The following NPHS1 variants were observed in gnomAD, a reference collection of about 807,000 sequenced individuals.
NPHS1 encodes NPHS1 adhesion molecule, nephrin.
Under a neutral mutation model 139.7 loss-of-function variants are expected in NPHS1, and 107 were observed. The ratio of observed to expected loss-of-function variants is 0.77; its 90% CI spans 0.66 to 0.90. NPHS1 has a LOEUF of 0.90. Among genes scored for constraint, NPHS1 ranks in the 40% least tolerant of loss-of-function variants. The probability of loss-of-function intolerance (pLI) is 0.00; values close to 1 mark genes in which losing one functional copy is unlikely to be tolerated. For synonymous variants in NPHS1, 707 were observed against 706.6 expected (o/e 1.00, Z -0.01); for missense variants, 1,580 against 1,654.2 (o/e 0.96, Z 0.78).
At position 35,844,146 on chromosome 19, in the gene NPHS1, G is replaced by A. The variant is rs768173284; in HGVS notation, c.2169C>T (p.Asn723=). Residue 723 remains asparagine, a synonymous_variant, in exon 16 of 29, where the codon AAC becomes AAT. Transcript: ENST00000378910. ...GCCGCGCTTCCGCGGTGCCCTCAGA[G>A]TTCTGGCAGTGCAGCTGATAGAGGC... is the stretch of plus-strand genomic sequence containing the variant. The part of the protein sequence containing the change: ...DDGLYQLHCQ[N]SEGTAEARLR... The A allele has an allele frequency of 6.2e-7, 1 of 1,609,926 alleles. No individual in the cohort carries two copies. Among genetic ancestry groups the A allele is most frequent in the South Asian group, 1.1e-5 (1 of 91,038 alleles).
Position 35,848,126 on chromosome 19 carries a change from C to T in NPHS1, c.1355G>A (p.Gly452Asp), listed in dbSNP as rs1475798311. The change falls in exon 11 of 29, where the codon GGC becomes GAC. Residue 452 changes from glycine to aspartate, a missense_variant. By Grantham distance (94) the Gly-to-Asp change is moderately conservative. Coordinates refer to ENST00000378910, the MANE Select transcript of NPHS1 (RefSeq NM_004646.4). ...CCGGGTCCCAGCCCGGAGCTTCTGG[C>T]CCTCTGGGGGACCCTCAATCCACAG... is the stretch of plus-strand genomic sequence containing the variant. ...QKLWIEGPPEGQKLRAGTRVR... is the reference protein window; with the variant it reads ...QKLWIEGPPEDQKLRAGTRVR... 1.2e-6 allele frequency: 2 copies of T among 1,614,018 alleles called. No homozygotes were observed. The highest frequency in any genetic ancestry group is 4.5e-5 in the East Asian group (2 of 44,878).
At chr19:35,828,845 T>G (rs1477536116) in intron 28 of NPHS1, among the ~76,000 whole-genome samples, 1 of 152,122 alleles carries the variant, frequency 6.6e-6, no homozygotes, top group African/African-American at 2.4e-5. Flanking sequence ...CTTTAGAGAG[T>G]GCATATGGTC....
At chr19:35,836,130 T>C (rs1972957064) in intron 22 of NPHS1, among the ~76,000 whole-genome samples, 1 of 143,956 alleles carries the variant, frequency 6.9e-6, no homozygotes, top group Non-Finnish European at 1.5e-5. Flanking sequence ...TGGCTAATTT[T>C]TTGTATTTTT....
rs113978942 is a variant in NPHS1, at chr19:35,826,057, T to A, written c.*457A>T. ...GCCTCCTGGGTTCAAGCAATTCTCA[T>A]GCATCAGCCTCCCAAGTAGCTGGGA... On this transcript the variant is annotated 3_prime_UTR_variant, in exon 29 of 29. Transcript: ENST00000378910. 3 of 177,794 alleles carry A rather than the reference T, an allele frequency of 1.7e-5. 1 individual carries two copies. The South Asian group carries it at 3.8e-4, about 22-fold the overall frequency. The allele number at this position is 177,794 out of a possible 1,614,324, so 11.0% of individuals were successfully genotyped here. A position where few individuals can be genotyped will look rare whatever the true frequency, so the allele number is the denominator to read the frequency against.
intron 16 of NPHS1, chr19:35,843,812 G>A (rs765421732): frequency 3.8e-4 from 253 of 660,776 alleles, no homozygotes; most frequent in Non-Finnish European, 5.8e-4. Context: ...GAGTTGAGTG[G>A]GCTTCCAGAA....
chr19:35,843,331 T>C lies in NPHS1; in HGVS notation c.2334+141A>G, dbSNP rs942438335. On this transcript the variant is annotated intron_variant, in intron 17 of 28. Transcript: ENST00000378910. ...GCATTCATTTTGCCACCAACAGTTATTCATTCTGGGAGCATGCCCTGGCGA... is the reference window on the plus strand; with the variant it reads ...GCATTCATTTTGCCACCAACAGTTACTCATTCTGGGAGCATGCCCTGGCGA... The C allele has an allele frequency of 4.6e-6, 5 of 1,095,096 alleles. No individual in the cohort carries two copies. In the African/African-American group the frequency reaches 7.8e-5, roughly 17 times the overall value. The allele number at this position is 1,095,096 out of a possible 1,614,324, so 67.8% of individuals were successfully genotyped here.
rs368346119 is a variant in NPHS1, at chr19:35,839,249, T to C, written c.3097A>G (p.Ile1033Val). ...GLADKGTQLP[I>V]TTPGLHQPSG... Reference sequence around the variant, plus strand: ...CCTCCCTTCCCACCTGGGGTAGTGATGGGAAGCTGGGTCCCTTTGTCAGCC... The same window carrying C: ...CCTCCCTTCCCACCTGGGGTAGTGACGGGAAGCTGGGTCCCTTTGTCAGCC... Residue 1033 changes from isoleucine (I) to valine (V), a missense_variant, in exon 22 of 29, where the codon ATC becomes GTC. Physicochemically the swap from Ile to Val is conservative, Grantham distance 29. Transcript: ENST00000378910. 2 of 1,614,046 alleles carry C rather than the reference T, an allele frequency of 1.2e-6. No homozygotes were observed. The highest frequency in any genetic ancestry group is 1.7e-6 in the Non-Finnish European group (2 of 1,180,026).
chr19:35,833,083 G>A (rs976597262), intron 23 of NPHS1, among the ~76,000 whole-genome samples: 7 of 150,098 alleles, frequency 4.7e-5, no homozygotes, highest in Admixed American at 1.3e-4. Context: ...TAATAGAGAC[G>A]GAGTTTCGCC....
At chr19:35,844,610 G>T in intron 14 of NPHS1, 151 bp from the exon 15 acceptor site, 1 of 784,648 alleles carries the variant, frequency 1.3e-6, no homozygotes, top group Non-Finnish European at 2.0e-6. Context: ...GCTAAGCTCA[G>T]GGGTAAGGTT....
chr19:35,850,860 T>A, intron 4 of NPHS1, 101 bp downstream of exon 4: 1 of 1,462,672 alleles, frequency 6.8e-7, no homozygotes, highest in Non-Finnish European at 9.4e-7. Flanking sequence ...AGGGATGACA[T>A]CTTTTCTGGG....
In NPHS1 at chr19:35,839,403, C is replaced by A. The variant is rs1219739033; in HGVS notation, c.2943G>T (p.Gly981=). The change falls in exon 22 of 29, where the codon GGG becomes GGT. Residue 981 remains glycine (G), a synonymous_variant. Transcript: ENST00000378910. The part of the protein sequence containing the change: ...QRFCIRYEAL[G]TPGFHYVDVV... ...CATCCACATAGTGGAACCCTGGAGT[C>A]CCCAGGGCCTCATACCTGCAGGACA... is the stretch of plus-strand genomic sequence containing the variant. The A allele has an allele frequency of 1.9e-6, 3 of 1,614,006 alleles. No individual in the cohort carries two copies. The highest frequency in any genetic ancestry group is 1.7e-5 in the Admixed American group (1 of 60,000).
At position 35,844,340 on chromosome 19, in the gene NPHS1, G is replaced by A. The variant is rs778473691; in HGVS notation, c.2050C>T (p.Arg684Cys). 19 of 1,613,808 alleles carry A rather than the reference G, an allele frequency of 1.2e-5. No individual in the cohort carries two copies. In the Admixed American group the frequency reaches 2.3e-4, roughly 20 times the overall value. ...PAPEAFNWTF[R>C]GYRLSPAGGP... ...TCACCTGGACTGAGGCGATAGCCGC[G>A]GAAGGTCCAGTTGAAGGCCTCGGGG... The change falls in exon 15 of 29, where the codon CGC (arginine) becomes TGC (cysteine). Residue 684 changes from arginine to cysteine, a missense_variant. Physicochemically the swap from Arg to Cys is radical, Grantham distance 180 (BLOSUM62 -3). Coordinates refer to ENST00000378910, the MANE Select transcript of NPHS1 (RefSeq NM_004646.4).
chr19:35,843,709 C>A (rs766127557), intron 16 of NPHS1, 116 bp from the exon 17 acceptor site: 13 of 1,341,446 alleles, frequency 9.7e-6, no homozygotes, highest in Middle Eastern at 2.6e-4. Context: ...GGTGTGGACA[C>A]AATCTGCCCT....
In NPHS1 at chr19:35,826,449, G is replaced by C. The variant is rs961101302; in HGVS notation, c.*65C>G. 1 of 1,601,408 alleles carries C rather than the reference G, an allele frequency of 6.2e-7. No individual in the cohort carries two copies. The highest frequency in any genetic ancestry group is 8.5e-7 in the Non-Finnish European group (1 of 1,170,236). ...TCACCTAACCAGCTCGGCCCAGGCTGTAATGAGAGAGACCAGTGGAGTGTA... is the reference window on the plus strand; with the variant it reads ...TCACCTAACCAGCTCGGCCCAGGCTCTAATGAGAGAGACCAGTGGAGTGTA... On this transcript the variant is annotated 3_prime_UTR_variant, in exon 29 of 29. Transcript: ENST00000378910.
chr19:35,851,988 T>C lies in NPHS1; in HGVS notation c.-151A>G. ...TCTCCTCCCTTTCTCGTTTTCCTCT[T>C]CCCCTCTTCCCTGTGAGTATCTCTC... On this transcript the variant is annotated 5_prime_UTR_variant, in exon 1 of 29. Transcript: ENST00000378910. 1.5e-6 allele frequency: 1 copy of C among 689,582 alleles called. No homozygotes were observed. 42.7% of individuals were successfully genotyped at this position (689,582 alleles called of 1,614,324 possible).
intron 22 of NPHS1, among the ~76,000 whole-genome samples, chr19:35,838,197 C>G (rs1000517160): frequency 3.3e-5 from 5 of 149,340 alleles, no homozygotes; most frequent in Admixed American, 3.3e-4. Flanking sequence ...TGAGCCGAGA[C>G]GGCACCATTG....
At position 35,847,109 on chromosome 19, in the gene NPHS1, G is replaced by A. The variant is rs542761105; in HGVS notation, c.1441-915C>T. On this transcript the variant is annotated intron_variant, in intron 11 of 28. Coordinates refer to ENST00000378910, the MANE Select transcript of NPHS1 (RefSeq NM_004646.4). ...CACCCAGGCTGGAGTGCAGTGGCAC[G>A]ATCTCGGCTCACTGCAAGCTCCGCC... Among the ~76,000 whole-genome samples the A allele has an allele frequency of 1.2e-3, 184 of 151,062 alleles. 1 individual carries two copies. The highest frequency in any genetic ancestry group is 3.6e-3 in the African/African-American group (150 of 41,142).
chr19:35,849,694 C>G, intron 5 of NPHS1, 41 bp from the exon 6 acceptor site: 1 of 1,508,776 alleles, frequency 6.6e-7, no homozygotes, highest in Non-Finnish European at 9.2e-7. Flanking sequence ...GAGTCATCAT[C>G]TGAAATTTGG....
In NPHS1 at chr19:35,831,475, C is replaced by G; in HGVS notation, c.3311+1G>C. 6.2e-7 allele frequency: 1 copy of G among 1,613,984 alleles called. No homozygotes were observed. Among genetic ancestry groups the G allele is most frequent in the Non-Finnish European group, 8.5e-7 (1 of 1,179,988 alleles). ...CTTTACAGAAAAATATCCCCACTTA[C>G]CCTGCCTCTGTCTTCTCTGAGATGC... is the stretch of plus-strand genomic sequence containing the variant. On this transcript the variant is annotated splice_donor_variant, in intron 25 of 28. Transcript: ENST00000378910. LOFTEE classifies it high-confidence loss of function.
Sources: gnomAD v4.1 joint callset for allele counts (sites outside exome capture counted in the v4.1 genomes callset) on GRCh38, gnomAD v4.1.1 for gene constraint, MANE v1.5 for transcripts, NCBI Gene and HGNC (gene_info 2026-07-23, HGNC 2026-07-21) for gene names.